The following BCL2L13 variants were observed in gnomAD, a reference collection of about 807,000 sequenced individuals.
BCL2L13 encodes the protein bcl-2-like protein 13.
A neutral mutation model predicts 25.8 loss-of-function variants in BCL2L13; 13 were observed. The observed-to-expected ratio is 0.50, with a 90% CI of 0.33 to 0.80. The LOEUF (loss-of-function observed/expected upper bound fraction) is 0.80, where lower values mean the gene tolerates loss of function less well. BCL2L13 is among the 30% of genes least tolerant of loss of function. BCL2L13 has a pLI of 0.02. For synonymous variants in BCL2L13, 244 were observed against 230.3 expected, an observed-to-expected ratio of 1.06 and a Z score of -0.54; for missense variants, 504 against 574.9, an observed-to-expected ratio of 0.88 and a Z score of 1.26.
intron 1 of BCL2L13, among the ~76,000 whole-genome samples, chr22:17,647,903 C>T (rs533165732): frequency 3.9e-5 from 6 of 152,020 alleles, no homozygotes; most frequent in South Asian, 2.1e-4. Flanking sequence ...CCAAGGTGGG[C>T]GGATCGGGAG....
At chr22:17,679,264 CTTTTTTTTTTT>C (rs3044588) in intron 2 of BCL2L13, among the ~76,000 whole-genome samples, 2 of 76,134 alleles carry the variant, frequency 2.6e-5, no homozygotes, top group African/African-American at 1.1e-4. Flanking sequence ...TGGTTTGGCT[CTTTTTTTTTTT>C]TTTTTTTTTT....
chr22:17,697,362 C>T (rs574455500), intron 5 of BCL2L13, among the ~76,000 whole-genome samples: 21 of 152,090 alleles, frequency 1.4e-4, no homozygotes, highest in African/African-American at 4.3e-4. Context: ...TGCTTAAACC[C>T]GGGAGTTGGA....
rs1344503300 is a variant in BCL2L13, at chr22:17,728,979, A to G, written c.*1445A>G. The G allele has an allele frequency of 6.6e-6, 1 of 152,196 alleles. No homozygotes were observed. The highest frequency in any genetic ancestry group is 1.5e-5 in the Non-Finnish European group (1 of 68,036). The allele number at this position is 152,196 out of a possible 1,614,324, so 9.4% of individuals were successfully genotyped here. On this transcript the variant is annotated 3_prime_UTR_variant, in exon 7 of 7. Transcript: ENST00000317582. ...CTTTCCAGCCCTAAAGGAAGGGCAG[A>G]CCCGTGTCTTTCCATGCCCGAGGGC...
At chr22:17,683,760 A>T (rs2059825050) in intron 3 of BCL2L13, among the ~76,000 whole-genome samples, 1 of 151,922 alleles carries the variant, frequency 6.6e-6, no homozygotes, top group Non-Finnish European at 1.5e-5. Context: ...TGCACTTAAC[A>T]TTACAACATA....
intron 2 of BCL2L13, among the ~76,000 whole-genome samples, chr22:17,681,142 A>G (rs566264430): frequency 6.6e-6 from 1 of 152,188 alleles, no homozygotes; most frequent in African/African-American, 2.4e-5. Flanking sequence ...ACTGTAGTAC[A>G]TTAGCCAAAT....
chr22:17,656,385 C>G (rs1020967731), intron 2 of BCL2L13, among the ~76,000 whole-genome samples: 1 of 97,354 alleles, frequency 1.0e-5, no homozygotes, highest in African/African-American at 4.1e-5. Context: ...GAGTCTCACT[C>G]TCTCTCTAAG....
intron 2 of BCL2L13, among the ~76,000 whole-genome samples, chr22:17,677,292 T>A (rs2059602419): frequency 6.6e-6 from 1 of 152,390 alleles, no homozygotes; most frequent in Non-Finnish European, 1.5e-5. Context: ...TCAGAATCTG[T>A]GATACGTAAA....
intron 1 of BCL2L13, among the ~76,000 whole-genome samples, chr22:17,641,732 A>G (rs1478216679): frequency 6.6e-6 from 1 of 150,594 alleles, no homozygotes; most frequent in African/African-American, 2.5e-5. Flanking sequence ...GCAACCACTG[A>G]TCTACTTTCT....
In BCL2L13 at chr22:17,696,222, A is replaced by G. The variant is rs1188194256; in HGVS notation, c.456+12A>G. 1 of 1,609,100 alleles carries G rather than the reference A, an allele frequency of 6.2e-7. No homozygotes were observed. The highest frequency in any genetic ancestry group is 8.5e-7 in the Non-Finnish European group (1 of 1,175,538). ...GCGGCTGGAATAAGGTATCATCACA[A>G]TGATCTTTTCTCTTAAAAGATTTTA... On this transcript the variant is annotated intron_variant, in intron 5 of 6. Coordinates refer to ENST00000317582, the MANE Select transcript of BCL2L13 (RefSeq NM_015367.4).
intron 5 of BCL2L13, among the ~76,000 whole-genome samples, chr22:17,701,630 T>C (rs903203790): frequency 6.6e-6 from 1 of 152,170 alleles, no homozygotes; most frequent in African/African-American, 2.4e-5. Context: ...TCTGCTGTTA[T>C]AAATAATGCT....
chr22:17,670,601 C>T (rs544528023), intron 2 of BCL2L13, among the ~76,000 whole-genome samples: 1 of 151,960 alleles, frequency 6.6e-6, no homozygotes, highest in South Asian at 2.1e-4. Context: ...CTCAAGCCCC[C>T]GACCTCGGCT....
At chr22:17,639,212 G>A (rs1165550868) in intron 1 of BCL2L13, among the ~76,000 whole-genome samples, 1 of 152,156 alleles carries the variant, frequency 6.6e-6, no homozygotes, top group Non-Finnish European at 1.5e-5. Flanking sequence ...GAAAACCCGG[G>A]TCCATTTTTA....
At chr22:17,705,483 G>C (rs1161533726) in intron 6 of BCL2L13, among the ~76,000 whole-genome samples, 1 of 151,678 alleles carries the variant, frequency 6.6e-6, no homozygotes, top group Non-Finnish European at 1.5e-5. Flanking sequence ...ATTTTTAGTA[G>C]AGATGGGTTT....
chr22:17,728,373 A>C lies in BCL2L13; in HGVS notation c.*839A>C, dbSNP rs1172995227. The C allele has an allele frequency of 6.6e-6, 1 of 152,220 alleles. No homozygotes were observed. 9.4% of individuals were successfully genotyped at this position (152,220 alleles called of 1,614,324 possible). A position where few individuals can be genotyped will look rare whatever the true frequency, so the allele number is the denominator to read the frequency against. ...AGGAGACCTGGGGTCCCCACTTGTG[A>C]GTGCAACTGCAAGTAACTCTGGCTA... On this transcript the variant is annotated 3_prime_UTR_variant, in exon 7 of 7. Coordinates refer to ENST00000317582, the MANE Select transcript of BCL2L13 (RefSeq NM_015367.4).
chr22:17,648,187 A>G (rs1169110857), intron 1 of BCL2L13, among the ~76,000 whole-genome samples: 1 of 152,070 alleles, frequency 6.6e-6, no homozygotes, highest in Non-Finnish European at 1.5e-5. Context: ...AGAATGTTGC[A>G]AAGGAAGTGG....
intron 2 of BCL2L13, among the ~76,000 whole-genome samples, chr22:17,660,280 A>T (rs1194871861): frequency 6.8e-6 from 1 of 146,702 alleles, no homozygotes; most frequent in Non-Finnish European, 1.6e-5. Context: ...GCAGTTATGC[A>T]TTTTCAAGAA....
intron 5 of BCL2L13, among the ~76,000 whole-genome samples, chr22:17,701,123 C>T (rs1343374834): frequency 2.0e-5 from 3 of 151,834 alleles, no homozygotes; most frequent in Non-Finnish European, 4.4e-5. Context: ...GACAGGGACT[C>T]TAGTTAGTTT....
At chr22:17,709,628 TAGAA>T (rs780471544) in intron 6 of BCL2L13, among the ~76,000 whole-genome samples, 4 of 151,800 alleles carry the variant, frequency 2.6e-5, no homozygotes, top group Non-Finnish European at 5.9e-5. Context: ...AAATAAAAAA[TAGAA>T]AGATTAGCCA....
chr22:17,638,981 C>A, intron 1 of BCL2L13, 95 bp downstream of exon 1: 1 of 1,023,006 alleles, frequency 9.8e-7, no homozygotes, highest in Non-Finnish European at 1.3e-6. Context: ...GAGCCACCGA[C>A]TCCCCAGTGG....
Sources: allele counts gnomAD v4.1 joint callset (sites outside exome capture counted in the v4.1 genomes callset), GRCh38; gene constraint gnomAD v4.1.1; transcripts MANE v1.5; gene names NCBI Gene and HGNC (gene_info 2026-07-23, HGNC 2026-07-21).